NR2C1: variants seen among roughly 807,000 people sequenced by gnomAD.
NR2C1 encodes TR2 nuclear hormone receptor.
In NR2C1, 33 loss-of-function variants were observed where a neutral mutation model predicts 74.8. That is an observed-to-expected ratio of 0.44 (90% CI 0.33 to 0.59). The LOEUF (loss-of-function observed/expected upper bound fraction) is 0.59. NR2C1 is among the 20% of genes least tolerant of loss of function. NR2C1 has a pLI of 0.02. For missense variants in NR2C1, 568 were observed against 715.6 expected (o/e 0.79, Z 2.35); for synonymous variants, 225 against 240.6 (o/e 0.94, Z 0.60).
At chr12:95,054,098 C>G (rs1235023832) in intron 7 of NR2C1, among the ~76,000 whole-genome samples, 1 of 152,060 alleles carries the variant, frequency 6.6e-6, no homozygotes, top group Non-Finnish European at 1.5e-5. Flanking sequence ...AATTTTTGTG[C>G]CTTCTCCAAA....
rs747568597 is a variant in NR2C1, at chr12:95,028,421, A to G, written c.1497T>C (p.Tyr499=). ...MVKLCIDGYE[Y]AYLKAIVLFS... ...AGAGTACTATTGCCTTCAGGTAGGCATATTCGTATCCATCAATGCAGAGTT... is the reference window on the plus strand; with the variant it reads ...AGAGTACTATTGCCTTCAGGTAGGCGTATTCGTATCCATCAATGCAGAGTT... Residue 499 remains tyrosine (Y), a synonymous_variant, in exon 12 of 14, where the codon TAT becomes TAC. Coordinates refer to ENST00000333003, the MANE Select transcript of NR2C1 (RefSeq NM_003297.4). The G allele has an allele frequency of 9.9e-6, 16 of 1,611,472 alleles. No homozygotes were observed. The highest frequency in any genetic ancestry group is 1.4e-5 in the Non-Finnish European group (16 of 1,178,246).
At chr12:95,044,489 T>C (rs1413254583) in intron 9 of NR2C1, among the ~76,000 whole-genome samples, 2 of 151,006 alleles carry the variant, frequency 1.3e-5, no homozygotes, top group African/African-American at 2.4e-5. Context: ...CGTTGGTCAG[T>C]CTGGTCTTGA....
rs540443705 is a variant in NR2C1 at position 95,062,680 on chromosome 12, T to C, written c.113A>G (p.Asn38Ser). The part of the protein sequence containing the change: ...KIQIVTALDH[N>S]TQGKQFILTN... ...CAGAATGAACTGCTTGCCTTGGGTA[T>C]TATGATCAAGTGCTGTCACAATCTG... The change falls in exon 3 of 14, where the codon AAT (asparagine) becomes AGT (serine). Residue 38 changes from asparagine (N) to serine (S), a missense_variant. Coordinates refer to ENST00000333003, the MANE Select transcript of NR2C1 (RefSeq NM_003297.4). The C allele has an allele frequency of 7.4e-6, 12 of 1,614,186 alleles. No homozygotes were observed. In the Admixed American group the frequency reaches 1.0e-4, roughly 13 times the overall value.
chr12:95,037,749 G>C, intron 10 of NR2C1, among the ~76,000 whole-genome samples: 1 of 152,034 alleles, frequency 6.6e-6, no homozygotes, highest in East Asian at 1.9e-4. Flanking sequence ...CAAAAAATTA[G>C]CCGGGTGTGG....
Position 95,047,710 on chromosome 12 carries a change from T to C in NR2C1, c.1131+1358A>G, listed in dbSNP as rs575941747. 2.0e-5 allele frequency among the ~76,000 whole-genome samples: 3 copies of C among 152,328 alleles called. No individual in the cohort carries two copies. In the South Asian group the frequency reaches 6.2e-4, roughly 32 times the overall value. Reference sequence around the variant, plus strand: ...TGAAATCTATATGCATTCAATCCCTTTGCATACATCTTGCTAAGAGTATCC... The same window carrying C: ...TGAAATCTATATGCATTCAATCCCTCTGCATACATCTTGCTAAGAGTATCC... On this transcript the variant is annotated intron_variant, in intron 9 of 13. Transcript: ENST00000333003.
At chr12:95,048,964 G>A in intron 9 of NR2C1, 104 bp downstream of exon 9, 1 of 1,035,756 alleles carries the variant, frequency 9.7e-7, no homozygotes, top group East Asian at 2.5e-5. Context: ...TTCTATCAGG[G>A]ATATTTCTGA....
At chr12:95,056,890 C>G (rs968418864) in intron 7 of NR2C1, among the ~76,000 whole-genome samples, 4 of 147,094 alleles carry the variant, frequency 2.7e-5, no homozygotes, top group Non-Finnish European at 4.5e-5. Flanking sequence ...ACCCGGGAAG[C>G]GGAGCTTGCA....
At chr12:95,022,571 A>G (rs1206000512) in intron 13 of NR2C1, among the ~76,000 whole-genome samples, 168 bp from the exon 14 acceptor site, 3 of 152,236 alleles carry the variant, frequency 2.0e-5, no homozygotes, top group Admixed American at 6.5e-5. Context: ...TATGGCAATT[A>G]CCTGGCTATT....
intron 10 of NR2C1, among the ~76,000 whole-genome samples, chr12:95,038,563 G>T (rs1871141439): frequency 6.6e-6 from 1 of 152,218 alleles, no homozygotes; most frequent in Non-Finnish European, 1.5e-5. Flanking sequence ...TTTGAGAACT[G>T]CCTGGCCAAC....
intron 9 of NR2C1, among the ~76,000 whole-genome samples, chr12:95,042,932 C>CAAAAAAA (rs869036674): frequency 3.0e-5 from 2 of 65,714 alleles, no homozygotes; most frequent in African/African-American, 6.1e-5. Flanking sequence ...CCCATTTCTA[C>CAAAAAAA]AAAAAAAAAA....
intron 1 of NR2C1, among the ~76,000 whole-genome samples, chr12:95,071,691 T>A (rs186463894): frequency 2.1e-3 from 311 of 151,348 alleles, no homozygotes; most frequent in African/African-American, 7.1e-3. Context: ...AAACCTTTCC[T>A]AGAAGAAACT....
At chr12:95,036,360 G>A (rs1382686247) in intron 10 of NR2C1, among the ~76,000 whole-genome samples, 11 of 151,768 alleles carry the variant, frequency 7.2e-5, no homozygotes, top group Non-Finnish European at 2.9e-5. Flanking sequence ...ATTGCTTGAG[G>A]CAAGGAGTTC....
intron 7 of NR2C1, among the ~76,000 whole-genome samples, chr12:95,053,746 C>T (rs1461166112): frequency 5.2e-5 from 7 of 133,990 alleles, no homozygotes; most frequent in Non-Finnish European, 6.1e-5. Flanking sequence ...TGCAGTGGTG[C>T]GATCTCGGCT....
At chr12:95,054,458 C>A (rs931229309) in intron 7 of NR2C1, among the ~76,000 whole-genome samples, 1 of 152,078 alleles carries the variant, frequency 6.6e-6, no homozygotes, top group Admixed American at 6.5e-5. Flanking sequence ...AGGCATGTAC[C>A]ACCATGCCTG....
In NR2C1 at chr12:95,062,658, A is replaced by C. The variant is rs1242476237; in HGVS notation, c.135T>G (p.Ile45Met). ...LDHNTQGKQF[I>M]LTNHDGSTPS... The stretch of plus-strand genomic sequence containing the variant: ...GAGTAGAGCCGTCGTGATTTGTCAG[A>C]ATGAACTGCTTGCCTTGGGTATTAT... Residue 45 changes from isoleucine (I) to methionine (M), a missense_variant, in exon 3 of 14, where the codon ATT becomes ATG. Around this residue, in one of 6 missense-constraint regions of NR2C1, gnomAD observed 128 missense variants for 118.9 expected, o/e 1.08. Transcript: ENST00000333003. 6.2e-7 allele frequency: 1 copy of C among 1,614,134 alleles called. No individual in the cohort carries two copies. Among genetic ancestry groups the C allele is most frequent in the South Asian group, 1.1e-5 (1 of 91,074 alleles).
At chr12:95,033,197 A>G in intron 10 of NR2C1, among the ~76,000 whole-genome samples, 1 of 152,150 alleles carries the variant, frequency 6.6e-6, no homozygotes. Flanking sequence ...CTGGAGAAAT[A>G]GCAATTAAGA....
At chr12:95,025,115 A>G (rs755699635) in intron 13 of NR2C1, 35 bp downstream of exon 13, 2 of 981,784 alleles carry the variant, frequency 2.0e-6, no homozygotes, top group Non-Finnish European at 3.0e-6. Flanking sequence ...AGGTTTTTCA[A>G]TTATTTTAAT....
chr12:95,032,811 T>C (rs1870311451), intron 10 of NR2C1, among the ~76,000 whole-genome samples: 1 of 151,910 alleles, frequency 6.6e-6, no homozygotes, highest in South Asian at 2.1e-4. Context: ...CTACAAAAAA[T>C]ACAAAAATTA....
Position 95,021,773 on chromosome 12 carries a change from T to C in NR2C1, c.*456A>G, listed in dbSNP as rs1565827273. On this transcript the variant is annotated 3_prime_UTR_variant, in exon 14 of 14. Coordinates refer to ENST00000333003, the MANE Select transcript of NR2C1 (RefSeq NM_003297.4). ...AGCATAAAATAATCTTATTTTGATA[T>C]GGTAATTAAACAAAAATTATTATGG... 6.6e-6 allele frequency: 1 copy of C among 152,586 alleles called. No homozygotes were observed. The highest frequency in any genetic ancestry group is 2.4e-5 in the African/African-American group (1 of 41,464). The allele number at this position is 152,586 out of a possible 1,614,324, so 9.5% of individuals were successfully genotyped here. A position where few individuals can be genotyped will look rare whatever the true frequency, so the allele number is the denominator to read the frequency against.
Sources: gnomAD v4.1 joint callset for allele counts (sites outside exome capture counted in the v4.1 genomes callset) on GRCh38, gnomAD v4.1.1 for gene constraint, gnomAD v4.1.1 regional missense constraint, MANE v1.5 for transcripts, NCBI Gene and HGNC (gene_info 2026-07-23, HGNC 2026-07-21) for gene names.